The following BRIP1 variants were observed in gnomAD, a reference collection of about 807,000 sequenced individuals.
BRIP1 encodes BRCA1 interacting DNA helicase 1, also known as Fanconi anemia group J protein.
Under a neutral mutation model 119.7 loss-of-function variants are expected in BRIP1, and 88 were observed. That is an observed-to-expected ratio of 0.74 (90% CI 0.62 to 0.88). BRIP1 has a LOEUF of 0.88. BRIP1 is among the 40% of genes least tolerant of loss of function. The probability of loss-of-function intolerance (pLI) is 0.00; values close to 1 mark genes in which losing one functional copy is unlikely to be tolerated. For missense variants in BRIP1, 1,259 were observed against 1,455.4 expected, an observed-to-expected ratio of 0.87 and a Z score of 2.20; for synonymous variants, 443 against 496.5, an observed-to-expected ratio of 0.89 and a Z score of 1.43.
rs1259965318 is a variant in BRIP1, at chr17:61,755,049, C to G, written c.2098-10458G>C. On this transcript the variant is annotated intron_variant, in intron 14 of 19. Coordinates refer to ENST00000259008, the MANE Select transcript of BRIP1 (RefSeq NM_032043.3). This position sits in a 1 kb window ranked among gnomAD's most constrained non-coding sequence, Gnocchi z 4.5. ...TCTCATTTATTTTCTGTCTCTCACC[C>G]TGGAATACAAAAGGACAATGATTTT... 6.6e-6 allele frequency among the ~76,000 whole-genome samples: 1 copy of G among 152,170 alleles called. No homozygotes were observed.
intron 6 of BRIP1, among the ~76,000 whole-genome samples, chr17:61,838,849 T>G (rs997288730): frequency 6.6e-6 from 1 of 152,022 alleles, no homozygotes; most frequent in African/African-American, 2.4e-5. Context: ...TTTTTTTCAA[T>G]TACTTTATCC....
rs1567777366 is a variant in BRIP1, at chr17:61,740,468, A to G, written c.2379+2545T>C. ...ATAACTCCTGTTGACCAAAGACAGT[A>G]TAAGTTGAAAATAAAATAAAATCTG... On this transcript the variant is annotated intron_variant, in intron 16 of 19. Coordinates refer to ENST00000259008, the MANE Select transcript of BRIP1 (RefSeq NM_032043.3). This position sits in a 1 kb window ranked among gnomAD's most constrained non-coding sequence, Gnocchi z 5.4. 6.6e-6 allele frequency among the ~76,000 whole-genome samples: 1 copy of G among 152,172 alleles called. No homozygotes were observed. Among genetic ancestry groups the G allele is most frequent in the Non-Finnish European group, 1.5e-5 (1 of 68,032 alleles).
chr17:61,809,355 T>TTTCG lies in BRIP1; in HGVS notation c.628-599_628-598insCGAA, dbSNP rs2145430132. Among the ~76,000 whole-genome samples, 1 of 152,308 alleles carries TTTCG rather than the reference T, an allele frequency of 6.6e-6. No individual in the cohort carries two copies. Among genetic ancestry groups the TTTCG allele is most frequent in the Admixed American group, 6.5e-5 (1 of 15,294 alleles). On this transcript the variant is annotated intron_variant, in intron 6 of 19. Coordinates refer to ENST00000259008, the MANE Select transcript of BRIP1 (RefSeq NM_032043.3). This position sits in a 1 kb window ranked among gnomAD's most constrained non-coding sequence, Gnocchi z 5.2. ...TAATAATGAAAGCAGGTTGCTTGTG[T>TTTCG]GGAACAAGTATATCTGAAATTCAGT...
chr17:61,774,259 A>G lies in BRIP1; in HGVS notation c.2097+2142T>C, dbSNP rs939270023. On this transcript the variant is annotated intron_variant, in intron 14 of 19. Coordinates refer to ENST00000259008, the MANE Select transcript of BRIP1 (RefSeq NM_032043.3). This position sits in a 1 kb window ranked among gnomAD's most constrained non-coding sequence, Gnocchi z 5.8. ...ACCATAGAATACTATGCAGCCATAAAAAAGGATGAGTTCATGTCCTTTGCA... is the reference window on the plus strand; with the variant it reads ...ACCATAGAATACTATGCAGCCATAAGAAAGGATGAGTTCATGTCCTTTGCA... 2.6e-5 allele frequency among the ~76,000 whole-genome samples: 4 copies of G among 152,232 alleles called. No individual in the cohort carries two copies. Among genetic ancestry groups the G allele is most frequent in the African/African-American group, 9.6e-5 (4 of 41,456 alleles).
Position 61,809,443 on chromosome 17 carries a change from A to T in BRIP1, c.628-686T>A, listed in dbSNP as rs957761213. Among the ~76,000 whole-genome samples the T allele has an allele frequency of 2.7e-4, 41 of 152,266 alleles. No homozygotes were observed. The highest frequency in any genetic ancestry group is 9.6e-4 in the African/African-American group (40 of 41,564). ...CATCCAGGGTAGTTTTTCCTGGACA[A>T]TTTCACTTGTAACTCAGTTTCATAA... On this transcript the variant is annotated intron_variant, in intron 6 of 19. Coordinates refer to ENST00000259008, the MANE Select transcript of BRIP1 (RefSeq NM_032043.3). This position sits in a 1 kb window ranked among gnomAD's most constrained non-coding sequence, Gnocchi z 5.2.
intron 14 of BRIP1, among the ~76,000 whole-genome samples, chr17:61,749,993 T>C (rs1182345468): frequency 6.6e-6 from 1 of 152,230 alleles, no homozygotes; most frequent in Non-Finnish European, 1.5e-5. Context: ...TACTTTTTCC[T>C]TTCCCATTTG....
intron 6 of BRIP1, among the ~76,000 whole-genome samples, chr17:61,829,456 A>T (rs1019438984): frequency 2.0e-5 from 3 of 152,028 alleles, no homozygotes; most frequent in Non-Finnish European, 2.9e-5. Flanking sequence ...AGGCAAATCC[A>T]CAATTATAGG....
intron 6 of BRIP1, among the ~76,000 whole-genome samples, chr17:61,821,302 G>A (rs1457996523): frequency 6.6e-6 from 1 of 152,300 alleles, no homozygotes; most frequent in South Asian, 2.1e-4. Flanking sequence ...GTGGGAAGGA[G>A]AGGTACTTTC....
intron 6 of BRIP1, among the ~76,000 whole-genome samples, chr17:61,836,108 CTTTTT>C (rs71153409): frequency 3.8e-5 from 3 of 79,090 alleles, no homozygotes; most frequent in African/African-American, 5.1e-5. Flanking sequence ...TGTTATTACT[CTTTTT>C]TTTTTTTTTT....
At position 61,743,278 on chromosome 17, in the gene BRIP1, T is replaced by A; in HGVS notation, c.2258-144A>T. ...AAAACACTATTATGAGATAAAGTTT[T>A]AAAAGTTCAATGTCTTTAAGTAAAT... On this transcript the variant is annotated intron_variant, in intron 15 of 19. Coordinates refer to ENST00000259008, the MANE Select transcript of BRIP1 (RefSeq NM_032043.3). This position sits in a 1 kb window ranked among gnomAD's most constrained non-coding sequence, Gnocchi z 4.3. 1 of 1,140,596 alleles carries A rather than the reference T, an allele frequency of 8.8e-7. No homozygotes were observed. 70.7% of individuals were successfully genotyped at this position (1,140,596 alleles called of 1,614,324 possible).
At position 61,851,175 on chromosome 17, in the gene BRIP1, C is replaced by T. The variant is rs1258778414; in HGVS notation, c.380-1919G>A. ...CCCGGGAGGCAGAGGTTGCAGTGAG[C>T]CAAGATCGCACCACTGCACTCCAGC... On this transcript the variant is annotated intron_variant, in intron 4 of 19. Coordinates refer to ENST00000259008, the MANE Select transcript of BRIP1 (RefSeq NM_032043.3). This position sits in a 1 kb window ranked among gnomAD's most constrained non-coding sequence, Gnocchi z 4.6. 1.3e-5 allele frequency among the ~76,000 whole-genome samples: 2 copies of T among 152,006 alleles called. No individual in the cohort carries two copies. Among genetic ancestry groups the T allele is most frequent in the Admixed American group, 1.3e-4 (2 of 15,260 alleles).
At chr17:61,801,185 G>T in intron 8 of BRIP1, 68 bp downstream of exon 8, 1 of 1,437,862 alleles carries the variant, frequency 7.0e-7, no homozygotes, top group Non-Finnish European at 9.8e-7. Flanking sequence ...ACATCTAAAA[G>T]CTTTTACATT....
In BRIP1 at chr17:61,765,379, T is replaced by TTA. The variant is rs1287538931; in HGVS notation, c.2097+11020_2097+11021dup. Among the ~76,000 whole-genome samples the TTA allele has an allele frequency of 7.0e-3, 265 of 37,740 alleles. 2 individuals are homozygous for TTA. Among genetic ancestry groups the TTA allele is most frequent in the Non-Finnish European group, 8.4e-3 (185 of 22,138 alleles). The allele number at this position is 37,740 out of a possible 152,430, so 24.8% of individuals were successfully genotyped here. On this transcript the variant is annotated intron_variant, in intron 14 of 19. Transcript: ENST00000259008. ...ATGTGTGTGTGTGTGTGTGTATATA[T>TTA]TATATATATATATATATATATATAT... is the stretch of plus-strand genomic sequence containing the variant.
In BRIP1 at chr17:61,808,653, G is replaced by T. The variant is rs786202300; in HGVS notation, c.732C>A (p.Pro244=). 8.7e-6 allele frequency: 14 copies of T among 1,613,736 alleles called. No individual in the cohort carries two copies. The highest frequency in any genetic ancestry group is 1.2e-5 in the Non-Finnish European group (14 of 1,179,882). ...KKDHTGKSKI[P]KIYFGTRTHK... ...GTGTGCGTGTCCCAAAATATATTTT[G>T]GGTATCTTGGATTTCCCTGTATGAT... The change falls in exon 7 of 20, where the codon CCC becomes CCA. Residue 244 remains proline, a synonymous_variant. Coordinates refer to ENST00000259008, the MANE Select transcript of BRIP1 (RefSeq NM_032043.3). This position sits in a 1 kb window ranked among gnomAD's most constrained non-coding sequence, Gnocchi z 4.1.
In BRIP1 at chr17:61,742,623, G is replaced by A. The variant is rs1399662825; in HGVS notation, c.2379+390C>T. Among the ~76,000 whole-genome samples the A allele has an allele frequency of 1.3e-5, 2 of 152,134 alleles. No individual in the cohort carries two copies. Among genetic ancestry groups the A allele is most frequent in the African/African-American group, 4.8e-5 (2 of 41,414 alleles). On this transcript the variant is annotated intron_variant, in intron 16 of 19. Coordinates refer to ENST00000259008, the MANE Select transcript of BRIP1 (RefSeq NM_032043.3). This position sits in a 1 kb window ranked among gnomAD's most constrained non-coding sequence, Gnocchi z 4.7. ...GAGAGTCCCAAGGAGAGAGAAATGG[G>A]GGAAGGGTAGTCAGTGGAGCAGTTA... is the stretch of plus-strand genomic sequence containing the variant.
rs2078129663 is a variant in BRIP1 at position 61,809,502 on chromosome 17, A to G, written c.628-745T>C. On this transcript the variant is annotated intron_variant, in intron 6 of 19. Transcript: ENST00000259008. The surrounding 1 kb of genome is among the most constrained non-coding windows in gnomAD (Gnocchi z 5.2). ...GTTATATAAATGTCTCTTTAAACAA[A>G]CCATATGGAACATCAGGAATATAGT... Among the ~76,000 whole-genome samples, 1 of 152,098 alleles carries G rather than the reference A, an allele frequency of 6.6e-6. No individual in the cohort carries two copies. Among genetic ancestry groups the G allele is most frequent in the African/African-American group, 2.4e-5 (1 of 41,424 alleles).
chr17:61,782,124 G>A (rs1305434221), intron 11 of BRIP1, among the ~76,000 whole-genome samples: 1 of 150,812 alleles, frequency 6.6e-6, no homozygotes, highest in Non-Finnish European at 1.5e-5. Flanking sequence ...GATGGCTCAC[G>A]CCTGTAATCC....
intron 14 of BRIP1, among the ~76,000 whole-genome samples, chr17:61,749,804 G>A (rs1331229757): frequency 6.6e-6 from 1 of 152,068 alleles, no homozygotes; most frequent in African/African-American, 2.4e-5. Flanking sequence ...TGATACTACT[G>A]CAAATGGAAA....
intron 16 of BRIP1, among the ~76,000 whole-genome samples, chr17:61,721,007 A>G (rs1403093887): frequency 6.6e-6 from 1 of 151,672 alleles, no homozygotes; most frequent in Non-Finnish European, 1.5e-5. Context: ...ATGCCTAGCT[A>G]ATTTTTGTAT....
Sources: allele counts gnomAD v4.1 joint callset (sites outside exome capture counted in the v4.1 genomes callset), GRCh38; gene constraint gnomAD v4.1.1; non-coding constraint Gnocchi (gnomAD v3.1); transcripts MANE v1.5; gene names NCBI Gene and HGNC (gene_info 2026-07-23, HGNC 2026-07-21).